Variants in PHTF2 observed in about 807,000 individuals in gnomAD.
The protein encoded by PHTF2 is putative homeodomain transcription factor 2, also known as protein PHTF2.
Under a neutral mutation model 101.2 loss-of-function variants are expected in PHTF2, and 60 were observed. The ratio of observed to expected loss-of-function variants is 0.59; its 90% CI spans 0.48 to 0.73. The LOEUF is 0.73. Ranked by LOEUF, PHTF2 falls within the 30% of genes least tolerant of loss-of-function variation. The pLI is 0.00. For missense variants in PHTF2, 747 were observed against 908.7 expected, an observed-to-expected ratio of 0.82 and a Z score of 2.29; for synonymous variants, 311 against 307.3, an observed-to-expected ratio of 1.01 and a Z score of -0.13.
chr7:77,927,322 T>C (rs1804151330), intron 11 of PHTF2, among the ~76,000 whole-genome samples: 1 of 151,668 alleles, frequency 6.6e-6, no homozygotes, highest in Non-Finnish European at 1.5e-5. Flanking sequence ...CAGGCCGGGC[T>C]TGGTGGCTCA....
intron 3 of PHTF2, among the ~76,000 whole-genome samples, chr7:77,867,311 C>T (rs540054588): frequency 4.6e-5 from 7 of 152,096 alleles, no homozygotes; most frequent in African/African-American, 7.2e-5. Flanking sequence ...GGCAAGTGAA[C>T]GTAGGGTCGT....
chr7:77,911,903 C>A (rs544589498), intron 9 of PHTF2, among the ~76,000 whole-genome samples: 2 of 152,294 alleles, frequency 1.3e-5, no homozygotes, highest in South Asian at 2.1e-4. Flanking sequence ...TATAGCTCTC[C>A]TTTCTAACTT....
At chr7:77,888,435 A>G (rs1800070946) in intron 3 of PHTF2, among the ~76,000 whole-genome samples, 1 of 152,166 alleles carries the variant, frequency 6.6e-6, no homozygotes, top group Non-Finnish European at 1.5e-5. Flanking sequence ...AGGTACTTTT[A>G]AAGAAACCTC....
intron 3 of PHTF2, among the ~76,000 whole-genome samples, chr7:77,890,900 C>T (rs1248070634): frequency 7.0e-6 from 1 of 143,210 alleles, no homozygotes; most frequent in South Asian, 2.2e-4. Context: ...CCACCGCACC[C>T]GGCCTTTTTT....
At chr7:77,840,246 A>G (rs1454564705) in exon 2 of PHTF2, 6 of 1,601,468 alleles carry the variant, frequency 3.7e-6, no homozygotes, top group Non-Finnish European at 5.1e-6. Flanking sequence ...GTGTGATTTC[A>G]GTGGAATAAA....
At chr7:77,904,489 A>G (rs918000070) in intron 7 of PHTF2, among the ~76,000 whole-genome samples, 1 of 152,166 alleles carries the variant, frequency 6.6e-6, no homozygotes, top group African/African-American at 2.4e-5. Flanking sequence ...TGGGTGGCTT[A>G]TACAACAAAA....
At chr7:77,886,881 A>G (rs995879068) in intron 3 of PHTF2, among the ~76,000 whole-genome samples, 1 of 151,882 alleles carries the variant, frequency 6.6e-6, no homozygotes, top group African/African-American at 2.4e-5. Flanking sequence ...TGTCACCTCT[A>G]CAAGACATAA....
chr7:77,949,250 A>C (rs1806333455), intron 16 of PHTF2, among the ~76,000 whole-genome samples: 1 of 151,956 alleles, frequency 6.6e-6, no homozygotes, highest in South Asian at 2.1e-4. Context: ...TTTTTTTCCA[A>C]CTCCCAAGTG....
At chr7:77,886,487 C>G (rs1799858526) in intron 3 of PHTF2, among the ~76,000 whole-genome samples, 1 of 152,148 alleles carries the variant, frequency 6.6e-6, no homozygotes, top group African/African-American at 2.4e-5. Context: ...TTCCCTTCCT[C>G]CATTTCCCCC....
At chr7:77,823,566 G>A (rs886635606) in intron 1 of PHTF2, among the ~76,000 whole-genome samples, 64 of 152,212 alleles carry the variant, frequency 4.2e-4, no homozygotes, top group African/African-American at 1.5e-3. Flanking sequence ...GAACACCATG[G>A]CTTATATGTT....
chr7:77,836,527 A>G (rs1199586616), intron 1 of PHTF2, among the ~76,000 whole-genome samples: 2 of 152,178 alleles, frequency 1.3e-5, no homozygotes, highest in African/African-American at 4.8e-5. Context: ...ACATGCACAC[A>G]TATGTTTATT....
At chr7:77,878,440 T>C (rs953904438) in intron 3 of PHTF2, among the ~76,000 whole-genome samples, 10 of 152,096 alleles carry the variant, frequency 6.6e-5, no homozygotes, top group African/African-American at 2.4e-4. Context: ...ATAGTGATGT[T>C]ATCTGTAGGA....
intron 12 of PHTF2, among the ~76,000 whole-genome samples, chr7:77,931,026 T>G (rs762619283): frequency 3.9e-5 from 6 of 152,222 alleles, no homozygotes; most frequent in African/African-American, 9.6e-5. Context: ...TTGTTTATAA[T>G]GGATCACTAA....
intron 2 of PHTF2, among the ~76,000 whole-genome samples, chr7:77,848,112 A>G (rs1448669243): frequency 6.6e-6 from 1 of 152,146 alleles, no homozygotes; most frequent in Non-Finnish European, 1.5e-5. Context: ...TCATTCATTG[A>G]TGGACACTTA....
intron 16 of PHTF2, among the ~76,000 whole-genome samples, chr7:77,948,740 G>A (rs1051677485): frequency 5.9e-5 from 9 of 152,096 alleles, no homozygotes; most frequent in African/African-American, 1.2e-4. Flanking sequence ...GAGAGAACAC[G>A]TCACGCCCAT....
chr7:77,923,257 T>C, intron 11 of PHTF2: 1 of 866,948 alleles, frequency 1.2e-6, no homozygotes, highest in Non-Finnish European at 1.4e-6. Flanking sequence ...TTTTCAACTA[T>C]ATCATATCTC....
At chr7:77,951,570 A>T (rs753902316) in intron 17 of PHTF2, 47 bp from the exon 17 acceptor site, 1 of 798,906 alleles carries the variant, frequency 1.3e-6, no homozygotes, top group South Asian at 1.7e-5. Context: ...TCCTTTAAAA[A>T]TGTGTATTTA....
chr7:77,855,639 C>T (rs1298346445), intron 3 of PHTF2, among the ~76,000 whole-genome samples: 5 of 152,136 alleles, frequency 3.3e-5, no homozygotes, highest in South Asian at 2.1e-4. Flanking sequence ...TAGGGCTAGC[C>T]GGAACGCAGT....
intron 11 of PHTF2, 122 bp downstream of exon 10, chr7:77,922,900 ATTG>A (rs1803616460): frequency 7.8e-7 from 1 of 1,280,562 alleles, no homozygotes; most frequent in Non-Finnish European, 1.0e-6. Context: ...AATATTTATT[ATTG>A]TTGTATGATC....
Sources: allele counts gnomAD v4.1 joint callset (sites outside exome capture counted in the v4.1 genomes callset), GRCh38; gene constraint gnomAD v4.1.1; transcripts MANE v1.5; gene names NCBI Gene and HGNC (gene_info 2026-07-23, HGNC 2026-07-21).